The following LGR4 variants were observed in gnomAD, a reference collection of about 807,000 sequenced individuals.
LGR4 encodes the protein leucine-rich repeat-containing G protein-coupled receptor 4.
Under a neutral mutation model 84.8 loss-of-function variants are expected in LGR4, and 44 were observed. The ratio of observed to expected loss-of-function variants is 0.52; its 90% CI spans 0.41 to 0.67. LGR4 has a LOEUF of 0.67. Ranked by LOEUF, LGR4 falls within the 30% of genes least tolerant of loss-of-function variation. LGR4 has a pLI of 0.00. For missense variants in LGR4, 1,032 were observed against 1,131.4 expected, an observed-to-expected ratio of 0.91 and a Z score of 1.26; for synonymous variants, 429 against 434.3, an observed-to-expected ratio of 0.99 and a Z score of 0.15.
intron 1 of LGR4, among the ~76,000 whole-genome samples, chr11:27,462,072 A>G (rs898252910): frequency 1.1e-4 from 16 of 151,928 alleles, no homozygotes; most frequent in African/African-American, 3.1e-4. Flanking sequence ...ATCTCAGGTA[A>G]TCTACCCGCC....
At chr11:27,411,291 G>A (rs1199359827) in intron 2 of LGR4, among the ~76,000 whole-genome samples, 2 of 151,842 alleles carry the variant, frequency 1.3e-5, no homozygotes, top group African/African-American at 2.4e-5. Flanking sequence ...GGGGGTGGAG[G>A]TGGAAACTTC....
chr11:27,457,713 A>G lies in LGR4; in HGVS notation c.185+14405T>C, dbSNP rs147053826. ...ATGTTCATACAAAAACTCTGTGTGAATATTTATGGTGGCTTTATTTATAAT... is the reference window on the plus strand; with the variant it reads ...ATGTTCATACAAAAACTCTGTGTGAGTATTTATGGTGGCTTTATTTATAAT... On this transcript the variant is annotated intron_variant, in intron 1 of 17. Transcript: ENST00000379214. Among the ~76,000 whole-genome samples, 1,462 of 152,360 alleles carry G rather than the reference A, an allele frequency of 9.6e-3. 15 individuals are homozygous for G. The highest frequency in any genetic ancestry group is 0.027 in the Middle Eastern group (8 of 294).
intron 1 of LGR4, among the ~76,000 whole-genome samples, chr11:27,437,628 T>G (rs1048199625): frequency 2.0e-5 from 3 of 151,920 alleles, no homozygotes; most frequent in African/African-American, 7.3e-5. Flanking sequence ...AAAGTCTTTA[T>G]GGATTTTTAC....
intron 1 of LGR4, among the ~76,000 whole-genome samples, chr11:27,448,295 C>CTTTT (rs67906701): frequency 1.4e-5 from 2 of 142,658 alleles, no homozygotes; most frequent in South Asian, 4.4e-4. Flanking sequence ...TTTTTCTTTT[C>CTTTT]TTTTTTTTTT....
Position 27,385,337 on chromosome 11 carries a change from G to T in LGR4, c.533C>A (p.Thr178Asn). The change falls in exon 5 of 18, where the codon ACC (threonine) becomes AAC (asparagine). Residue 178 changes from threonine (T) to asparagine (N), a missense_variant. Physicochemically the swap from Thr to Asn is moderately conservative, Grantham distance 65. Coordinates refer to ENST00000379214, the MANE Select transcript of LGR4 (RefSeq NM_018490.5). ...VPVHPLSNLP[T>N]LQALTLALNK... Reference sequence around the variant, plus strand: ...GAGAGCCAGGGTCAGCGCCTGTAGGGTGGGCAGATTGCTGAGGGGGTGCAC... The same window carrying T: ...GAGAGCCAGGGTCAGCGCCTGTAGGTTGGGCAGATTGCTGAGGGGGTGCAC... The T allele has an allele frequency of 6.2e-7, 1 of 1,611,480 alleles. No homozygotes were observed. The highest frequency in any genetic ancestry group is 8.5e-7 in the Non-Finnish European group (1 of 1,179,060).
At chr11:27,446,730 G>A (rs913537200) in intron 1 of LGR4, among the ~76,000 whole-genome samples, 4 of 152,146 alleles carry the variant, frequency 2.6e-5, no homozygotes, top group Admixed American at 2.0e-4. Flanking sequence ...AAAGACACAT[G>A]CACACGTATG....
rs549492181 is a variant in LGR4, at chr11:27,455,388, A to C, written c.185+16730T>G. Among the ~76,000 whole-genome samples the C allele has an allele frequency of 2.0e-3, 301 of 152,342 alleles. 1 individual carries two copies. Among genetic ancestry groups the C allele is most frequent in the Admixed American group, 7.6e-3 (117 of 15,306 alleles). ...AAAGAAGGGAGGAAAAGTCTAAAAA[A>C]AAACAACAACAAGAATTTGGTGTTA... On this transcript the variant is annotated intron_variant, in intron 1 of 17. Transcript: ENST00000379214.
intron 10 of LGR4, among the ~76,000 whole-genome samples, chr11:27,379,902 TAAA>T (rs35974596): frequency 0.62 from 94,547 of 151,748 alleles, 29,849 homozygotes; most frequent in Non-Finnish European, 0.68. Flanking sequence ...AATCCTGCCT[TAAA>T]TTAAACACTC....
At chr11:27,370,234 A>G (rs1203849268) in intron 17 of LGR4, among the ~76,000 whole-genome samples, 1 of 152,240 alleles carries the variant, frequency 6.6e-6, no homozygotes. Flanking sequence ...CCAGTTCTGC[A>G]TCATTTATCA....
Position 27,472,152 on chromosome 11 carries a change from C to T in LGR4, c.151G>A (p.Val51Met), listed in dbSNP as rs201925650. ...GTGAAGGCGCTGAGCCCCTCGGGCACGGCCGTCAGCCCCTTCCCGGAGCAG... is the reference window on the plus strand; with the variant it reads ...GTGAAGGCGCTGAGCCCCTCGGGCATGGCCGTCAGCCCCTTCCCGGAGCAG... The part of the protein sequence containing the change: ...VDCSGKGLTA[V>M]PEGLSAFTQA... The change falls in exon 1 of 18, where the codon GTG becomes ATG. Residue 51 changes from valine (V) to methionine (M), a missense_variant. Val to Met is a conservative substitution (Grantham distance 21). Transcript: ENST00000379214. The T allele has an allele frequency of 9.4e-6, 13 of 1,383,280 alleles. No homozygotes were observed. The African/African-American group carries it at 1.5e-4, about 16-fold the overall frequency. The allele number at this position is 1,383,280 out of a possible 1,614,324, so 85.7% of individuals were successfully genotyped here.
intron 2 of LGR4, among the ~76,000 whole-genome samples, chr11:27,408,673 T>C (rs372009018): frequency 6.6e-6 from 1 of 152,094 alleles, no homozygotes; most frequent in African/African-American, 2.4e-5. Context: ...AAGTGAATGT[T>C]TTCTTAAAAT....
At chr11:27,449,034 TCTAA>T (rs140068160) in intron 1 of LGR4, among the ~76,000 whole-genome samples, 3 of 152,308 alleles carry the variant, frequency 2.0e-5, no homozygotes, top group East Asian at 1.9e-4. Context: ...GTTGACAATA[TCTAA>T]CTATCATAAG....
At position 27,426,579 on chromosome 11, in the gene LGR4, C is replaced by A. The variant is rs929208565; in HGVS notation, c.186-13719G>T. Among the ~76,000 whole-genome samples, 6 of 152,176 alleles carry A rather than the reference C, an allele frequency of 3.9e-5. No homozygotes were observed. In the South Asian group the frequency reaches 8.3e-4, roughly 21 times the overall value. On this transcript the variant is annotated intron_variant, in intron 1 of 17. Coordinates refer to ENST00000379214, the MANE Select transcript of LGR4 (RefSeq NM_018490.5). ...TCCCTTAATCTCTGTGCCTCAGTTT[C>A]TGCAAGTGTAAACGGAGATAACAAT...
chr11:27,401,540 G>A (rs561063366), intron 2 of LGR4, among the ~76,000 whole-genome samples: 2 of 152,042 alleles, frequency 1.3e-5, no homozygotes, highest in Non-Finnish European at 2.9e-5. Flanking sequence ...TACAGCTAAC[G>A]TCAACCAACA....
intron 2 of LGR4, among the ~76,000 whole-genome samples, chr11:27,405,750 T>C (rs1473379525): frequency 6.6e-6 from 1 of 152,164 alleles, no homozygotes; most frequent in African/African-American, 2.4e-5. Flanking sequence ...ATAACATCTT[T>C]TGAATAGGTG....
At chr11:27,425,432 T>C (rs1443245159) in intron 1 of LGR4, among the ~76,000 whole-genome samples, 1 of 151,234 alleles carries the variant, frequency 6.6e-6, no homozygotes, top group Non-Finnish European at 1.5e-5. Context: ...CTGGTCTCAA[T>C]AGATTCTCCC....
intron 1 of LGR4, among the ~76,000 whole-genome samples, chr11:27,445,781 G>C (rs923437920): frequency 1.1e-4 from 16 of 152,116 alleles, no homozygotes; most frequent in African/African-American, 3.9e-4. Flanking sequence ...TGAAGGCAGA[G>C]GCCAGTAGAT....
rs746813136 is a variant in LGR4 at position 27,368,497 on chromosome 11, T to C, written c.2226A>G (p.Gln742=). ...LEKEDLSENS[Q]SSMIKHVAWL... Reference sequence around the variant, plus strand: ...AAGCGACATGCTTAATCATGCTAGATTGTGAGTTTTCTGAGAGGTCCTCTT... The same window carrying C: ...AAGCGACATGCTTAATCATGCTAGACTGTGAGTTTTCTGAGAGGTCCTCTT... Residue 742 remains glutamine, a synonymous_variant, in exon 18 of 18, where the codon CAA becomes CAG. Coordinates refer to ENST00000379214, the MANE Select transcript of LGR4 (RefSeq NM_018490.5). The C allele has an allele frequency of 8.1e-6, 13 of 1,614,056 alleles. No homozygotes were observed. The highest frequency in any genetic ancestry group is 2.7e-5 in the African/African-American group (2 of 74,932).
chr11:27,450,270 C>A (rs1201843289), intron 1 of LGR4, among the ~76,000 whole-genome samples: 2 of 152,142 alleles, frequency 1.3e-5, no homozygotes. Flanking sequence ...ATTCAACAAG[C>A]CTTATAAATT....
Sources: allele counts gnomAD v4.1 joint callset (sites outside exome capture counted in the v4.1 genomes callset), GRCh38; gene constraint gnomAD v4.1.1; transcripts MANE v1.5; gene names NCBI Gene and HGNC (gene_info 2026-07-23, HGNC 2026-07-21).